The following RGS7BP variants were observed in gnomAD, a reference collection of about 807,000 sequenced individuals.
The protein encoded by RGS7BP is regulator of G protein signaling 7 binding protein.
RGS7BP carries 9 observed loss-of-function variants against 31.3 expected under a neutral mutation model. That is an observed-to-expected ratio of 0.29 (90% CI 0.17 to 0.50). The LOEUF (loss-of-function observed/expected upper bound fraction) is 0.50, where lower values mean the gene tolerates loss of function less well. Ranked by LOEUF, RGS7BP falls within the 20% of genes least tolerant of loss-of-function variation. RGS7BP has a pLI of 0.98. For synonymous variants in RGS7BP, 115 were observed against 120.1 expected, an observed-to-expected ratio of 0.96 and a Z score of 0.28; for missense variants, 274 against 322.0, an observed-to-expected ratio of 0.85 and a Z score of 1.14.
intron 1 of RGS7BP, 46 bp from the exon 2 acceptor site, chr5:64,507,665 G>A (rs369830691): frequency 2.4e-4 from 368 of 1,525,144 alleles, no homozygotes; most frequent in South Asian, 4.1e-4. Context: ...GAAACTTTCT[G>A]ATGAGAAATG....
At chr5:64,595,971 C>T (rs1743053328) in intron 4 of RGS7BP, among the ~76,000 whole-genome samples, 1 of 152,124 alleles carries the variant, frequency 6.6e-6, no homozygotes, top group Non-Finnish European at 1.5e-5. Context: ...AGCTGTTTGG[C>T]ACCGTTTGAT....
Position 64,575,818 on chromosome 5 carries a change from T to C in RGS7BP, c.377T>C (p.Ile126Thr). Residue 126 changes from isoleucine (I) to threonine (T), a missense_variant, in exon 3 of 6, where the codon ATC (isoleucine) becomes ACC (threonine). Physicochemically the swap from Ile to Thr is moderately conservative, Grantham distance 89. This residue lies in a region of RGS7BP where 13 missense variants were observed against 38.5 expected (regional missense o/e 0.34). Transcript: ENST00000334025. ...EIHPEICRLY[I>T]QLQCCLEMYT... is the part of the protein sequence containing the mutation. Reference sequence around the variant, plus strand: ...CATCCAGAAATCTGTCGGCTTTACATCCAGCTGCAGTGCTGCTTAGAAATG... The same window carrying C: ...CATCCAGAAATCTGTCGGCTTTACACCCAGCTGCAGTGCTGCTTAGAAATG... 1 of 1,612,610 alleles carries C rather than the reference T, an allele frequency of 6.2e-7. No homozygotes were observed. The highest frequency in any genetic ancestry group is 8.5e-7 in the Non-Finnish European group (1 of 1,179,310).
intron 3 of RGS7BP, among the ~76,000 whole-genome samples, chr5:64,589,821 G>A (rs1742859769): frequency 6.6e-6 from 1 of 151,714 alleles, no homozygotes; most frequent in African/African-American, 2.4e-5. Flanking sequence ...CCAGCTATTG[G>A]GAGGCTAAGG....
At chr5:64,515,741 GCA>G (rs773895006) in intron 2 of RGS7BP, among the ~76,000 whole-genome samples, 4 of 133,224 alleles carry the variant, frequency 3.0e-5, no homozygotes, top group Non-Finnish European at 5.1e-5. Flanking sequence ...CACATATAAT[GCA>G]CACACACAGA....
At chr5:64,588,480 C>T (rs895961092) in intron 3 of RGS7BP, among the ~76,000 whole-genome samples, 1 of 152,180 alleles carries the variant, frequency 6.6e-6, no homozygotes, top group Non-Finnish European at 1.5e-5. Context: ...TGTCACGCAG[C>T]CCACTGTGTG....
chr5:64,546,087 G>A (rs879872726), intron 2 of RGS7BP, among the ~76,000 whole-genome samples: 9 of 152,266 alleles, frequency 5.9e-5, no homozygotes, highest in South Asian at 2.1e-4. Context: ...CCTGGAGGGC[G>A]AGGTTGCGGT....
At chr5:64,532,588 G>A (rs1020152583) in intron 2 of RGS7BP, among the ~76,000 whole-genome samples, 2 of 152,168 alleles carry the variant, frequency 1.3e-5, no homozygotes, top group African/African-American at 2.4e-5. Context: ...TAAAAAGAAT[G>A]ATGATCTAGT....
intron 5 of RGS7BP, among the ~76,000 whole-genome samples, chr5:64,604,318 A>C (rs1401581379): frequency 2.6e-5 from 4 of 151,964 alleles, no homozygotes. Flanking sequence ...TCTCCTCCAA[A>C]TGGGAGGAAT....
chr5:64,554,268 G>T (rs1004156216), intron 2 of RGS7BP, among the ~76,000 whole-genome samples: 1 of 152,092 alleles, frequency 6.6e-6, no homozygotes, highest in Admixed American at 6.5e-5. Context: ...ACACAAGGAG[G>T]CCTGCACTAT....
intron 2 of RGS7BP, among the ~76,000 whole-genome samples, chr5:64,509,885 T>C (rs998548874): frequency 6.6e-6 from 1 of 152,170 alleles, no homozygotes; most frequent in Non-Finnish European, 1.5e-5. Context: ...ACAATAATAA[T>C]TAAATGCAAT....
intron 2 of RGS7BP, among the ~76,000 whole-genome samples, chr5:64,569,026 T>C (rs983534144): frequency 6.6e-6 from 1 of 152,096 alleles, no homozygotes; most frequent in Non-Finnish European, 1.5e-5. Context: ...CCTGTTGCTT[T>C]ATATATAGGT....
intron 2 of RGS7BP, among the ~76,000 whole-genome samples, chr5:64,517,006 T>G (rs4407591): frequency 0.024 from 3,676 of 150,182 alleles, 111 homozygotes; most frequent in African/African-American, 0.074. Context: ...CCAGGGTTTA[T>G]TCTCGCCCAG....
At position 64,525,519 on chromosome 5, in the gene RGS7BP, A is replaced by G. The variant is rs146236204; in HGVS notation, c.332+17642A>G. Among the ~76,000 whole-genome samples the G allele has an allele frequency of 8.6e-4, 131 of 152,324 alleles. 2 individuals carry two copies. The East Asian group carries it at 0.011, about 12-fold the overall frequency. Reference sequence around the variant, plus strand: ...ACCCCACTATGACTGTGGATATTCTAGTGATTTGCAAGATGTAATGTGCTT... The same window carrying G: ...ACCCCACTATGACTGTGGATATTCTGGTGATTTGCAAGATGTAATGTGCTT... On this transcript the variant is annotated intron_variant, in intron 2 of 5. Coordinates refer to ENST00000334025, the MANE Select transcript of RGS7BP (RefSeq NM_001029875.3).
At chr5:64,550,151 CT>C (rs1164996176) in intron 2 of RGS7BP, among the ~76,000 whole-genome samples, 6 of 152,234 alleles carry the variant, frequency 3.9e-5, no homozygotes, top group Admixed American at 3.9e-4. Flanking sequence ...TCCAAAGCCA[CT>C]TCCACATGTT....
intron 5 of RGS7BP, among the ~76,000 whole-genome samples, chr5:64,603,944 A>T (rs979563157): frequency 1.3e-5 from 2 of 152,180 alleles, no homozygotes; most frequent in African/African-American, 4.8e-5. Context: ...CAGGAAAAAA[A>T]ATGTTTAAGC....
At chr5:64,566,193 C>A (rs1046835329) in intron 2 of RGS7BP, among the ~76,000 whole-genome samples, 1 of 152,078 alleles carries the variant, frequency 6.6e-6, no homozygotes, top group Non-Finnish European at 1.5e-5. Flanking sequence ...TAAACAGATG[C>A]CAACTTACTA....
intron 2 of RGS7BP, among the ~76,000 whole-genome samples, chr5:64,573,295 T>G (rs990878366): frequency 2.0e-5 from 3 of 152,116 alleles, no homozygotes; most frequent in African/African-American, 7.2e-5. Flanking sequence ...TCTCTTTTTC[T>G]AGCTGTAAAA....
intron 2 of RGS7BP, among the ~76,000 whole-genome samples, chr5:64,515,223 A>G (rs1318837842): frequency 1.3e-5 from 2 of 152,192 alleles, no homozygotes; most frequent in African/African-American, 2.4e-5. Flanking sequence ...GTAAGAATTG[A>G]GAGATTCGAT....
chr5:64,513,027 T>G (rs939482576), intron 2 of RGS7BP, among the ~76,000 whole-genome samples: 1 of 152,250 alleles, frequency 6.6e-6, no homozygotes, highest in African/African-American at 2.4e-5. Flanking sequence ...CTGAATCTCC[T>G]GGCTTCCTCA....
Sources: gnomAD v4.1 joint callset for allele counts (sites outside exome capture counted in the v4.1 genomes callset) on GRCh38, gnomAD v4.1.1 for gene constraint, gnomAD v4.1.1 regional missense constraint, MANE v1.5 for transcripts, NCBI Gene and HGNC (gene_info 2026-07-23, HGNC 2026-07-21) for gene names.